DLG1: variants seen among roughly 807,000 people sequenced by gnomAD.
The protein encoded by DLG1 is discs large MAGUK scaffold protein 1.
A neutral mutation model predicts 123.4 loss-of-function variants in DLG1; 42 were observed. The observed-to-expected ratio is 0.34, with a 90% confidence interval of 0.27 to 0.44. The LOEUF (loss-of-function observed/expected upper bound fraction) is 0.44. Ranked by LOEUF, DLG1 falls within the 20% of genes least tolerant of loss-of-function variation. DLG1 has a pLI of 1.00. For missense variants in DLG1, 942 were observed against 1,082.6 expected (o/e 0.87, Z 1.82); for synonymous variants, 317 against 356.2 (o/e 0.89, Z 1.24).
intron 4 of DLG1, among the ~76,000 whole-genome samples, chr3:197,259,807 C>G (rs952288504): frequency 2.6e-5 from 4 of 152,090 alleles, no homozygotes; most frequent in African/African-American, 4.8e-5. Flanking sequence ...TTTCTAAAGG[C>G]AACACAATCA....
chr3:197,065,311 T>C lies in DLG1; in HGVS notation c.2338A>G (p.Thr780Ala). 2 of 1,610,794 alleles carry C rather than the reference T, an allele frequency of 1.2e-6. No homozygotes were observed. Among genetic ancestry groups the C allele is most frequent in the Non-Finnish European group, 1.7e-6 (2 of 1,179,098 alleles). Residue 780 changes from threonine to alanine, a missense_variant, in exon 22 of 25, where the codon ACA becomes GCA. By Grantham distance (58) the Thr-to-Ala change is moderately conservative. Coordinates refer to ENST00000667157, the MANE Select transcript of DLG1 (RefSeq NM_001366207.1). ...ACTTCTCGTACAGACTGAACACTTG[T>C]TCCATATAGATGATTGTTATACTGG... The part of the protein sequence containing the change: ...AGQYNNHLYG[T>A]SVQSVREVAE...
At chr3:197,298,808 C>T (rs1431202385), upstream of DLG1, among the ~76,000 whole-genome samples, 1 of 152,154 alleles carries the variant, frequency 6.6e-6, no homozygotes, top group African/African-American at 2.4e-5. Flanking sequence ...GGTTTCATTA[C>T]AGAAGGACAT....
chr3:197,204,054 C>T (rs905039455), intron 4 of DLG1, among the ~76,000 whole-genome samples: 3 of 152,218 alleles, frequency 2.0e-5, no homozygotes, highest in African/African-American at 7.2e-5. Flanking sequence ...TTGCTCACAA[C>T]AGGTAGCTCA....
chr3:197,291,436 C>T (rs1579493845), intron 3 of DLG1, among the ~76,000 whole-genome samples: 1 of 152,226 alleles, frequency 6.6e-6, no homozygotes, highest in East Asian at 1.9e-4. Context: ...GCTGGAAGAT[C>T]TCAAACCCTG....
At chr3:197,148,101 G>A (rs755137934) in intron 6 of DLG1, among the ~76,000 whole-genome samples, 3 of 151,218 alleles carry the variant, frequency 2.0e-5, no homozygotes, top group Admixed American at 6.6e-5. Flanking sequence ...TAACAGCATC[G>A]TAAGAATAAA....
chr3:197,180,299 T>C (rs182949586), intron 5 of DLG1, among the ~76,000 whole-genome samples: 118 of 152,240 alleles, frequency 7.8e-4, no homozygotes, highest in Non-Finnish European at 1.4e-3. Context: ...GTGCTGGAGT[T>C]CTATAAAACC....
chr3:197,107,682 C>A (rs1475132700), intron 13 of DLG1, among the ~76,000 whole-genome samples: 1 of 151,928 alleles, frequency 6.6e-6, no homozygotes, highest in East Asian at 1.9e-4. Context: ...GTCTATCCTG[C>A]AAATTTAACT....
Position 197,194,433 on chromosome 3 carries a change from G to A in DLG1, c.475C>T (p.Pro159Ser), listed in dbSNP as rs1260212786. The A allele has an allele frequency of 2.5e-6, 4 of 1,583,242 alleles. No individual in the cohort carries two copies. The highest frequency in any genetic ancestry group is 2.7e-5 in the African/African-American group (2 of 73,186). The change falls in exon 5 of 25, where the codon CCA becomes TCA. Residue 159 changes from proline to serine, a missense_variant. Coordinates refer to ENST00000667157, the MANE Select transcript of DLG1 (RefSeq NM_001366207.1). ...AATAGATACTATCCTACCTTTATTG[G>A]TGAAATATGAGAATGAGAAACAAAT... ...HGFVSHSHIS[P>S]IKANPPPVLV...
intron 19 of DLG1, chr3:197,068,574 AAAAGT>A (rs1741376283): frequency 7.0e-6 from 10 of 1,421,612 alleles, no homozygotes; most frequent in Non-Finnish European, 9.7e-6. Flanking sequence ...AGAAAGTTAG[AAAAGT>A]AATTTTAATT....
At chr3:197,221,469 G>A (rs570782166) in intron 4 of DLG1, among the ~76,000 whole-genome samples, 4 of 151,826 alleles carry the variant, frequency 2.6e-5, no homozygotes, top group African/African-American at 9.7e-5. Context: ...GCAGTGAACC[G>A]AGCCGAGGCT....
chr3:197,272,622 T>A (rs2151056987), intron 4 of DLG1, among the ~76,000 whole-genome samples: 1 of 152,366 alleles, frequency 6.6e-6, no homozygotes, highest in Non-Finnish European at 1.5e-5. Context: ...AATGGCAGAA[T>A]GTGTAAATAT....
intron 11 of DLG1, among the ~76,000 whole-genome samples, chr3:197,124,279 G>GT (rs1447502331): frequency 2.0e-5 from 3 of 152,070 alleles, no homozygotes; most frequent in Non-Finnish European, 2.9e-5. Flanking sequence ...TACTGGGTAT[G>GT]TTTTTTTATT....
intron 5 of DLG1, among the ~76,000 whole-genome samples, chr3:197,168,781 C>T (rs544708435): frequency 6.6e-6 from 1 of 152,230 alleles, no homozygotes; most frequent in South Asian, 2.1e-4. Context: ...TAAAAAAAAT[C>T]TTGACCATGT....
At chr3:197,208,348 A>T (rs1248809508) in intron 4 of DLG1, among the ~76,000 whole-genome samples, 2 of 146,622 alleles carry the variant, frequency 1.4e-5, no homozygotes, top group Non-Finnish European at 3.1e-5. Context: ...ACAATTTCAC[A>T]ACTTCTATCA....
chr3:197,167,159 C>T (rs1801855179), intron 5 of DLG1, among the ~76,000 whole-genome samples: 1 of 151,874 alleles, frequency 6.6e-6, no homozygotes, highest in Non-Finnish European at 1.5e-5. Flanking sequence ...TCTGGGAGCC[C>T]ATACTGATAT....
intron 4 of DLG1, among the ~76,000 whole-genome samples, chr3:197,245,828 G>A (rs964244165): frequency 1.1e-4 from 16 of 148,108 alleles, no homozygotes; most frequent in South Asian, 2.2e-4. Context: ...TTTGGTCTGC[G>A]AGGTTATTCC....
Position 197,130,508 on chromosome 3 carries a change from C to A in DLG1, c.1165+19G>T. On this transcript the variant is annotated intron_variant, in intron 11 of 24. Coordinates refer to ENST00000667157, the MANE Select transcript of DLG1 (RefSeq NM_001366207.1). The stretch of plus-strand genomic sequence containing the variant: ...AAGAAGTAAGATAAATTTAAGCAAA[C>A]GTATGCTAACAGACTTACAGTTGGT... 1 of 1,555,360 alleles carries A rather than the reference C, an allele frequency of 6.4e-7. No individual in the cohort carries two copies. Among genetic ancestry groups the A allele is most frequent in the South Asian group, 1.2e-5 (1 of 80,886 alleles).
At chr3:197,288,848 A>G (rs1048254832) in intron 3 of DLG1, among the ~76,000 whole-genome samples, 2 of 152,112 alleles carry the variant, frequency 1.3e-5, no homozygotes, top group Non-Finnish European at 2.9e-5. Flanking sequence ...TATGTATAGT[A>G]CAGAGAAATC....
rs563297693 is a variant in DLG1 at position 197,075,940 on chromosome 3, T to C, written c.2005+646A>G. 1.7e-5 allele frequency: 24 copies of C among 1,389,162 alleles called. No homozygotes were observed. In the East Asian group the frequency reaches 3.7e-4, roughly 22 times the overall value. 86.1% of individuals were successfully genotyped at this position (1,389,162 alleles called of 1,614,324 possible). On this transcript the variant is annotated intron_variant, in intron 18 of 24. Transcript: ENST00000667157. Reference sequence around the variant, plus strand: ...AAAGAAAATAGTTGTCAGTAATGCATAAAATTGGTGCTACAGTAAGAGACA... The same window carrying C: ...AAAGAAAATAGTTGTCAGTAATGCACAAAATTGGTGCTACAGTAAGAGACA...
Sources: gnomAD v4.1 joint callset for allele counts (sites outside exome capture counted in the v4.1 genomes callset) on GRCh38, gnomAD v4.1.1 for gene constraint, MANE v1.5 for transcripts, NCBI Gene and HGNC (gene_info 2026-07-23, HGNC 2026-07-21) for gene names.